Variants in LRRC49 observed in about 807,000 individuals in gnomAD.
The protein encoded by LRRC49 is leucine rich repeat containing 49.
Under a neutral mutation model 83.3 loss-of-function variants are expected in LRRC49, and 50 were observed. The ratio of observed to expected loss-of-function variants is 0.60; its 90% CI spans 0.48 to 0.76. The LOEUF is 0.76. LRRC49 is among the 30% of genes least tolerant of loss of function. The pLI is 0.00. For synonymous variants in LRRC49, 286 were observed against 283.3 expected (o/e 1.01, Z -0.10); for missense variants, 704 against 809.1 (o/e 0.87, Z 1.58).
intron 8 of LRRC49, among the ~76,000 whole-genome samples, chr15:70,958,382 G>A (rs1397651346): frequency 1.3e-5 from 2 of 152,000 alleles, no homozygotes; most frequent in African/African-American, 4.8e-5. Context: ...TGTTTTGATG[G>A]TGGCATCATT....
Position 70,859,222 on chromosome 15 carries a change from G to A in LRRC49, c.-299+5753G>A, listed in dbSNP as rs2032726130. On this transcript the variant is annotated intron_variant, in intron 1 of 16. Transcript: ENST00000544974. ...AGGTGGAGCTTGGCAACATGCAGGGGCTGGTGGAGGACTTCAAGAACAAAT... is the reference window on the plus strand; with the variant it reads ...AGGTGGAGCTTGGCAACATGCAGGGACTGGTGGAGGACTTCAAGAACAAAT... 20 of 1,386,000 alleles carry A rather than the reference G, an allele frequency of 1.4e-5. No homozygotes were observed. The South Asian group carries it at 2.2e-4, about 15-fold the overall frequency. 85.9% of individuals were successfully genotyped at this position (1,386,000 alleles called of 1,614,324 possible).
chr15:71,038,168 C>T (rs966117293), intron 15 of LRRC49, among the ~76,000 whole-genome samples: 2 of 151,996 alleles, frequency 1.3e-5, no homozygotes, highest in African/African-American at 4.8e-5. Context: ...TCTATAGATC[C>T]CCTCACACAG....
At chr15:70,859,570 T>G (rs1185663387) in intron 1 of LRRC49, 2 of 663,084 alleles carry the variant, frequency 3.0e-6, no homozygotes, top group Non-Finnish European at 2.9e-6. Context: ...AGATCAAGTA[T>G]GAGGAGCTGC....
chr15:70,936,052 T>A (rs541026392), intron 7 of LRRC49, among the ~76,000 whole-genome samples: 32 of 152,292 alleles, frequency 2.1e-4, no homozygotes, highest in Admixed American at 9.2e-4. Context: ...TGTTTTTTTT[T>A]AAATAATTTG....
chr15:70,858,671 TCCGCCTGGTTCAGC>T, intron 1 of LRRC49: 1 of 577,904 alleles, frequency 1.7e-6, no homozygotes, highest in Non-Finnish European at 3.0e-6. Flanking sequence ...TTCTGGAATC[TCCGCCTGGTTCAGC>T]CCGCCTGCCT....
At chr15:70,991,035 C>T (rs573077618) in intron 11 of LRRC49, among the ~76,000 whole-genome samples, 2 of 152,306 alleles carry the variant, frequency 1.3e-5, no homozygotes, top group South Asian at 2.1e-4. Context: ...CTGCTGTGTC[C>T]TCAGCAGCCA....
intron 9 of LRRC49, among the ~76,000 whole-genome samples, chr15:70,973,115 G>A (rs1053257181): frequency 7.9e-5 from 12 of 152,180 alleles, no homozygotes; most frequent in African/African-American, 2.9e-4. Context: ...CCTCATCTTC[G>A]TGGATTTATC....
chr15:71,008,258 G>T, intron 11 of LRRC49, 121 bp from the exon 12 acceptor site: 1 of 602,722 alleles, frequency 1.7e-6, no homozygotes. Context: ...TAATGCTCTA[G>T]GTTTAATTAC....
chr15:70,991,475 A>G (rs1482972445), intron 11 of LRRC49, among the ~76,000 whole-genome samples: 1 of 152,204 alleles, frequency 6.6e-6, no homozygotes, highest in Admixed American at 6.5e-5. Flanking sequence ...ACTTGAAATC[A>G]TCTCTGGATT....
chr15:71,039,951 T>C (rs1213068982), intron 15 of LRRC49, among the ~76,000 whole-genome samples: 1 of 152,186 alleles, frequency 6.6e-6, no homozygotes, highest in Non-Finnish European at 1.5e-5. Context: ...ATTCCAAAAA[T>C]GCCAGTATTG....
chr15:70,968,671 C>G (rs1404565250), intron 9 of LRRC49, among the ~76,000 whole-genome samples: 6 of 152,100 alleles, frequency 3.9e-5, no homozygotes, highest in African/African-American at 1.4e-4. Flanking sequence ...GAATGATCAC[C>G]ATTCTAAATG....
intron 2 of LRRC49, chr15:70,882,476 T>C (rs567289905): frequency 6.2e-7 from 1 of 1,612,414 alleles, no homozygotes; most frequent in South Asian, 1.1e-5. Context: ...TTCTTTCACC[T>C]GTACAGCCAT....
intron 8 of LRRC49, among the ~76,000 whole-genome samples, chr15:70,946,901 C>CT (rs896631539): frequency 3.3e-5 from 5 of 151,666 alleles, no homozygotes; most frequent in African/African-American, 7.3e-5. Context: ...ATTGTAGTCC[C>CT]TTTTTTTTCA....
intron 1 of LRRC49, among the ~76,000 whole-genome samples, chr15:70,863,642 C>A (rs1044482015): frequency 5.3e-5 from 8 of 152,178 alleles, no homozygotes; most frequent in African/African-American, 1.9e-4. Flanking sequence ...AAGCCTGACT[C>A]ACTAACAAAG....
At position 70,970,776 on chromosome 15, in the gene LRRC49, GTGTT is replaced by G. The variant is rs1413965856; in HGVS notation, c.921+6846_921+6849del. Among the ~76,000 whole-genome samples the G allele has an allele frequency of 3.9e-5, 6 of 152,246 alleles. No homozygotes were observed. In the East Asian group the frequency reaches 1.2e-3, roughly 29 times the overall value. The stretch of plus-strand genomic sequence containing the variant: ...GATTTTCTAGTTTATTTGCATAGAG[GTGTT>G]TATAGTATTCTCTGATGGTAGTTTG... On this transcript the variant is annotated intron_variant, in intron 9 of 15. Coordinates refer to ENST00000260382, the MANE Select transcript of LRRC49 (RefSeq NM_017691.5).
At chr15:70,893,868 G>GTT (rs772167690) in intron 2 of LRRC49, among the ~76,000 whole-genome samples, 13 of 138,500 alleles carry the variant, frequency 9.4e-5, no homozygotes, top group African/African-American at 2.9e-4. Flanking sequence ...GGGTTTTTTT[G>GTT]TTTTTTTTTT....
chr15:70,987,960 T>G (rs1413077244), intron 11 of LRRC49, among the ~76,000 whole-genome samples: 1 of 152,248 alleles, frequency 6.6e-6, no homozygotes, highest in Non-Finnish European at 1.5e-5. Context: ...GTGAGTTTCT[T>G]CATCCTGAGT....
intron 8 of LRRC49, 122 bp from the exon 9 acceptor site, chr15:70,963,663 C>T: frequency 9.3e-7 from 1 of 1,079,196 alleles, no homozygotes; most frequent in African/African-American, 1.6e-5. Context: ...TATAGGGGAA[C>T]TCTGTACTAT....
rs180906522 is a variant in LRRC49 at position 70,942,809 on chromosome 15, T to C, written c.773+5987T>C. Among the ~76,000 whole-genome samples the C allele has an allele frequency of 3.2e-4, 48 of 152,158 alleles. 1 individual carries two copies. Among genetic ancestry groups the C allele is most frequent in the African/African-American group, 1.1e-3 (46 of 41,498 alleles). On this transcript the variant is annotated intron_variant, in intron 8 of 15. Coordinates refer to ENST00000260382, the MANE Select transcript of LRRC49 (RefSeq NM_017691.5). ...TCCAGAAAGGCGGGACAACTCGAAG[T>C]GGGGGGAGAAAAACAGAGATCTTGC...
Sources: gnomAD v4.1 joint callset for allele counts (sites outside exome capture counted in the v4.1 genomes callset) on GRCh38, gnomAD v4.1.1 for gene constraint, MANE v1.5 for transcripts, NCBI Gene and HGNC (gene_info 2026-07-23, HGNC 2026-07-21) for gene names.